The following PLAG1 variants were observed in gnomAD, a reference collection of about 807,000 sequenced individuals.
PLAG1 encodes PLAG1 zinc finger.
In PLAG1, 7 loss-of-function variants were observed where a neutral mutation model predicts 35.5. That is an observed-to-expected ratio of 0.20 (90% CI 0.11 to 0.37). PLAG1 has a LOEUF of 0.37. Ranked by LOEUF, PLAG1 falls within the 10% of genes least tolerant of loss-of-function variation. PLAG1 has a pLI of 1.00. For synonymous variants in PLAG1, 229 were observed against 225.4 expected (o/e 1.02, Z -0.14); for missense variants, 454 against 602.8 (o/e 0.75, Z 2.58).
intron 2 of PLAG1, among the ~76,000 whole-genome samples, chr8:56,173,220 C>T (rs1811583351): frequency 6.6e-6 from 1 of 151,950 alleles, no homozygotes; most frequent in Non-Finnish European, 1.5e-5. Flanking sequence ...TAGAAATCAC[C>T]CATTCTATGT....
At chr8:56,171,927 A>T (rs1438567550) in intron 2 of PLAG1, among the ~76,000 whole-genome samples, 1 of 152,250 alleles carries the variant, frequency 6.6e-6, no homozygotes, top group African/African-American at 2.4e-5. Flanking sequence ...GAGATCACAC[A>T]CAGAAAACAA....
rs568345426 is a variant in PLAG1 at position 56,171,165 on chromosome 8, T to G, written c.-192A>C. ...TGACTCTTCGTGGAAGAGAGTGGAATCCAATCCTTCCCATTTTGGCCAATC... is the reference window on the plus strand; with the variant it reads ...TGACTCTTCGTGGAAGAGAGTGGAAGCCAATCCTTCCCATTTTGGCCAATC... On this transcript the variant is annotated 5_prime_UTR_variant, in exon 3 of 5. Transcript: ENST00000316981. The G allele has an allele frequency of 1.0e-6, 1 of 978,264 alleles. No individual in the cohort carries two copies. The highest frequency in any genetic ancestry group is 1.1e-4 in the East Asian group (1 of 8,764). The allele number at this position is 978,264 out of a possible 1,614,324, so 60.6% of individuals were successfully genotyped here.
rs1811409831 is a variant in PLAG1, at chr8:56,167,977, A to G, written c.242+51T>C. 9.7e-7 allele frequency: 1 copy of G among 1,036,252 alleles called. No homozygotes were observed. Among genetic ancestry groups the G allele is most frequent in the Non-Finnish European group, 1.4e-6 (1 of 697,120 alleles). The allele number at this position is 1,036,252 out of a possible 1,614,324, so 64.2% of individuals were successfully genotyped here. ...ATACATACGTTTACAATGGCTTCAAACAGCCAACATAAGAGAAAATATAAT... is the reference window on the plus strand; with the variant it reads ...ATACATACGTTTACAATGGCTTCAAGCAGCCAACATAAGAGAAAATATAAT... On this transcript the variant is annotated intron_variant, in intron 4 of 4. Coordinates refer to ENST00000316981, the MANE Select transcript of PLAG1 (RefSeq NM_002655.3). This position sits in a 1 kb window ranked among gnomAD's most constrained non-coding sequence, Gnocchi z 5.9.
chr8:56,205,228 A>T (rs1039850733), intron 1 of PLAG1, among the ~76,000 whole-genome samples: 6 of 151,904 alleles, frequency 3.9e-5, no homozygotes, highest in African/African-American at 1.4e-4. Flanking sequence ...TCTGATGAAC[A>T]ATGAAGAAAA....
intron 2 of PLAG1, among the ~76,000 whole-genome samples, chr8:56,172,987 T>G (rs1811574875): frequency 6.6e-6 from 1 of 152,198 alleles, no homozygotes; most frequent in Non-Finnish European, 1.5e-5. Context: ...GAAAACGATT[T>G]GGGTAGAAAC....
Position 56,207,397 on chromosome 8 carries a change from A to G in PLAG1, c.-322+3724T>C, listed in dbSNP as rs372152483. On this transcript the variant is annotated intron_variant, in intron 1 of 4. Coordinates refer to ENST00000316981, the MANE Select transcript of PLAG1 (RefSeq NM_002655.3). ...GGATTACATTAAAAATGAAGGAATA[A>G]CCCCCACCTGTGCATGTTATTAAAA... 3.3e-5 allele frequency among the ~76,000 whole-genome samples: 5 copies of G among 151,942 alleles called. No individual in the cohort carries two copies. The South Asian group carries it at 1.0e-3, about 32-fold the overall frequency.
At chr8:56,197,922 C>T (rs1405297138) in intron 1 of PLAG1, among the ~76,000 whole-genome samples, 1 of 152,124 alleles carries the variant, frequency 6.6e-6, no homozygotes, top group Non-Finnish European at 1.5e-5. Context: ...AACTTAACCA[C>T]CTTCTCTCTC....
In PLAG1 at chr8:56,168,319, C is replaced by G; in HGVS notation, c.-50G>C. On this transcript the variant is annotated 5_prime_UTR_variant, in exon 4 of 5. Coordinates refer to ENST00000316981, the MANE Select transcript of PLAG1 (RefSeq NM_002655.3). ...TTGGACACTTGGGAACTGCCCAACT[C>G]CACTAAATGATATAGCTTTAGGTGG... 1.3e-6 allele frequency: 2 copies of G among 1,531,668 alleles called. No homozygotes were observed. Among genetic ancestry groups the G allele is most frequent in the Non-Finnish European group, 1.8e-6 (2 of 1,136,836 alleles). The allele number at this position is 1,531,668 out of a possible 1,614,324, so 94.9% of individuals were successfully genotyped here.
Position 56,166,350 on chromosome 8 carries a change from G to A in PLAG1, c.1396C>T (p.Pro466Ser). The change falls in exon 5 of 5, where the codon CCT becomes TCT. Residue 466 changes from proline (P) to serine (S), a missense_variant. Around this residue, in one of 4 missense-constraint regions of PLAG1, gnomAD observed 271 missense variants for 315.6 expected, o/e 0.86. Transcript: ENST00000316981. Reference sequence around the variant, plus strand: ...GACCCAAGCCCTATAGTGTTTGCAGGATCCTGAAGATCCTGTGTTTGTGGG... The same window carrying A: ...GACCCAAGCCCTATAGTGTTTGCAGAATCCTGAAGATCCTGTGTTTGTGGG... ...LPPQTQDLQD[P>S]ANTIGLGSLH... 3.1e-6 allele frequency: 5 copies of A among 1,613,856 alleles called. No individual in the cohort carries two copies. Among genetic ancestry groups the A allele is most frequent in the Non-Finnish European group, 4.2e-6 (5 of 1,179,800 alleles).
chr8:56,197,610 T>C (rs1421298165), intron 1 of PLAG1, among the ~76,000 whole-genome samples: 1 of 152,228 alleles, frequency 6.6e-6, no homozygotes, highest in Non-Finnish European at 1.5e-5. Flanking sequence ...AATTTACACA[T>C]ACCTGCACAG....
rs542544735 is a variant in PLAG1, at chr8:56,190,245, G to GC, written c.-321-10733_-321-10732insG. Among the ~76,000 whole-genome samples the GC allele has an allele frequency of 2.6e-3, 391 of 152,292 alleles. 3 individuals carry two copies. The highest frequency in any genetic ancestry group is 9.1e-3 in the African/African-American group (378 of 41,530). On this transcript the variant is annotated intron_variant, in intron 1 of 4. Transcript: ENST00000316981. ...ACTAGGGGGAAGATGGCATACAGCA[G>GC]AGACCATGGCACTGCAAGGTGTGGA...
At position 56,166,212 on chromosome 8, in the gene PLAG1, C is replaced by T; in HGVS notation, c.*31G>A. 1 of 1,484,826 alleles carries T rather than the reference C, an allele frequency of 6.7e-7. No individual in the cohort carries two copies. 92.0% of individuals were successfully genotyped at this position (1,484,826 alleles called of 1,614,324 possible). ...GTCATCTAGGGCACAGCTACACATA[C>T]ATTTCTGTAATGAATCCATGTCCCA... On this transcript the variant is annotated 3_prime_UTR_variant, in exon 5 of 5. Coordinates refer to ENST00000316981, the MANE Select transcript of PLAG1 (RefSeq NM_002655.3).
intron 1 of PLAG1, among the ~76,000 whole-genome samples, chr8:56,192,756 G>A (rs1812224734): frequency 2.0e-5 from 3 of 152,112 alleles, no homozygotes; most frequent in Admixed American, 2.0e-4. Flanking sequence ...AATCTTTCCA[G>A]CTTTCCTTTT....
chr8:56,181,043 CA>C (rs1208031916), intron 1 of PLAG1, among the ~76,000 whole-genome samples: 1 of 152,140 alleles, frequency 6.6e-6, no homozygotes, highest in Admixed American at 6.5e-5. Context: ...GTTAGAATGG[CA>C]ATCATTAAAT....
intron 1 of PLAG1, among the ~76,000 whole-genome samples, chr8:56,208,131 T>C (rs995116473): frequency 3.9e-5 from 6 of 152,264 alleles, no homozygotes; most frequent in Non-Finnish European, 8.8e-5. Context: ...GTGGCAATTA[T>C]TCAAGATCTA....
chr8:56,174,505 T>C (rs915669065), intron 2 of PLAG1, among the ~76,000 whole-genome samples: 2 of 152,156 alleles, frequency 1.3e-5, no homozygotes, highest in East Asian at 1.9e-4. Flanking sequence ...AACCTAAGAA[T>C]GAAAAATCAA....
chr8:56,190,510 G>A (rs1391178960), intron 1 of PLAG1, among the ~76,000 whole-genome samples: 1 of 152,142 alleles, frequency 6.6e-6, no homozygotes, highest in Non-Finnish European at 1.5e-5. Flanking sequence ...ATTATACTTT[G>A]GGGAACCAGA....
chr8:56,174,167 CAGA>C (rs1426104055), intron 2 of PLAG1, among the ~76,000 whole-genome samples: 1 of 152,076 alleles, frequency 6.6e-6, no homozygotes, highest in Non-Finnish European at 1.5e-5. Flanking sequence ...GTAAGTAATT[CAGA>C]AGATGTCAAA....
chr8:56,179,546 C>T (rs1811805973), intron 1 of PLAG1, 33 bp from the exon 2 acceptor site: 1 of 584,800 alleles, frequency 1.7e-6, no homozygotes, highest in South Asian at 7.5e-5. Context: ...TTTTAAATTC[C>T]AAAAGTCAGG....
Sources: allele counts gnomAD v4.1 joint callset (sites outside exome capture counted in the v4.1 genomes callset), GRCh38; gene constraint gnomAD v4.1.1; regional missense constraint gnomAD v4.1.1; non-coding constraint Gnocchi (gnomAD v3.1); transcripts MANE v1.5; gene names NCBI Gene and HGNC (gene_info 2026-07-23, HGNC 2026-07-21).